KLHL29: variants seen among roughly 807,000 people sequenced by gnomAD.
KLHL29 encodes kelch like family member 29, also known as kelch-like protein 29.
KLHL29 carries 21 observed loss-of-function variants against 80.4 expected under a neutral mutation model. That is an observed-to-expected ratio of 0.26 (90% confidence interval 0.19 to 0.38). The LOEUF (loss-of-function observed/expected upper bound fraction) is 0.38. Ranked by LOEUF, KLHL29 falls within the 10% of genes least tolerant of loss-of-function variation. KLHL29 has a pLI of 1.00. For synonymous variants in KLHL29, 511 were observed against 526.8 expected (o/e 0.97, Z 0.41); for missense variants, 867 against 1,223.9 (o/e 0.71, Z 4.35).
intron 2 of KLHL29, among the ~76,000 whole-genome samples, chr2:23,506,011 C>T (rs1469998678): frequency 2.0e-5 from 3 of 152,158 alleles, no homozygotes; most frequent in East Asian, 1.9e-4. Context: ...GCCCAGAGCC[C>T]GACCACGAGG....
intron 1 of KLHL29, among the ~76,000 whole-genome samples, chr2:23,437,556 A>G (rs745406637): frequency 1.3e-5 from 2 of 152,210 alleles, no homozygotes; most frequent in Non-Finnish European, 2.9e-5. Flanking sequence ...TTCGAAGTCA[A>G]CACTTTCGGT....
chr2:23,662,822 C>A (rs1422627468), intron 5 of KLHL29, among the ~76,000 whole-genome samples: 2 of 152,194 alleles, frequency 1.3e-5, no homozygotes, highest in Non-Finnish European at 2.9e-5. Flanking sequence ...TCCTGGGCCC[C>A]GAGCCTGACT....
intron 3 of KLHL29, among the ~76,000 whole-genome samples, chr2:23,627,260 A>G (rs1201390015): frequency 6.6e-6 from 1 of 152,228 alleles, no homozygotes; most frequent in Non-Finnish European, 1.5e-5. Flanking sequence ...CCTTTTAAAC[A>G]TCACTTTAAC....
At position 23,647,439 on chromosome 2, in the gene KLHL29, G is replaced by A. The variant is rs1036780019; in HGVS notation, c.940+4589G>A. 6.6e-6 allele frequency among the ~76,000 whole-genome samples: 1 copy of A among 152,160 alleles called. No individual in the cohort carries two copies. Among genetic ancestry groups the A allele is most frequent in the Admixed American group, 6.5e-5 (1 of 15,278 alleles). On this transcript the variant is annotated intron_variant, in intron 5 of 13. Coordinates refer to ENST00000486442, the MANE Select transcript of KLHL29 (RefSeq NM_052920.2). This position sits in a 1 kb window ranked among gnomAD's most constrained non-coding sequence, Gnocchi z 4.9. ...CCAACATGAATTCATTCAGGGTTCAGACTCAAGGCCTGCGTTGTCTGTGGC... is the reference window on the plus strand; with the variant it reads ...CCAACATGAATTCATTCAGGGTTCAAACTCAAGGCCTGCGTTGTCTGTGGC...
chr2:23,592,015 G>T (rs1668275719), intron 3 of KLHL29, among the ~76,000 whole-genome samples: 1 of 152,258 alleles, frequency 6.6e-6, no homozygotes, highest in Non-Finnish European at 1.5e-5. Context: ...CATCTGCCGT[G>T]ACTTGGAGCA....
chr2:23,441,611 T>A (rs993393441), intron 1 of KLHL29, among the ~76,000 whole-genome samples: 2 of 152,184 alleles, frequency 1.3e-5, no homozygotes, highest in Admixed American at 1.3e-4. Flanking sequence ...TCATGTTTGC[T>A]CTTCATGATG....
intron 2 of KLHL29, among the ~76,000 whole-genome samples, chr2:23,558,233 C>G (rs947586202): frequency 1.3e-5 from 2 of 152,160 alleles, no homozygotes; most frequent in Non-Finnish European, 2.9e-5. Flanking sequence ...GGATCCAACC[C>G]TAGGGATGCA....
chr2:23,400,167 TGCCACACCCTTCCCCAGCTCCGACG>T (rs1666551870), intron 1 of KLHL29, among the ~76,000 whole-genome samples: 1 of 152,166 alleles, frequency 6.6e-6, no homozygotes, highest in Admixed American at 6.5e-5. Context: ...CTGTGATAGC[TGCCACACCCTTCCCCAGCTCCGACG>T]GCCACCTGCA....
chr2:23,444,211 A>G (rs553835522), intron 1 of KLHL29, among the ~76,000 whole-genome samples: 10 of 152,354 alleles, frequency 6.6e-5, no homozygotes, highest in African/African-American at 2.2e-4. Flanking sequence ...GGATAGAGCT[A>G]GGAAACATAG....
At chr2:23,464,936 A>G (rs1664305973) in intron 1 of KLHL29, among the ~76,000 whole-genome samples, 1 of 152,140 alleles carries the variant, frequency 6.6e-6, no homozygotes, top group African/African-American at 2.4e-5. Flanking sequence ...GCATGTATCT[A>G]TGTGCTCTTA....
At chr2:23,438,793 A>T (rs1304098405) in intron 1 of KLHL29, among the ~76,000 whole-genome samples, 1 of 152,150 alleles carries the variant, frequency 6.6e-6, no homozygotes, top group Non-Finnish European at 1.5e-5. Flanking sequence ...TGTCTTTGCC[A>T]GGCTTTGGTA....
At position 23,669,955 on chromosome 2, in the gene KLHL29, G is replaced by A. The variant is rs1670664741; in HGVS notation, c.941-14444G>A. Among the ~76,000 whole-genome samples the A allele has an allele frequency of 6.6e-6, 1 of 152,144 alleles. No individual in the cohort carries two copies. The highest frequency in any genetic ancestry group is 2.4e-5 in the African/African-American group (1 of 41,436). ...GGTAGGGACCCAAGCAGAGAGGGGT[G>A]TCAGTAAAGCCAGAAGCTCAGCTGA... On this transcript the variant is annotated intron_variant, in intron 5 of 13. Transcript: ENST00000486442. This position sits in a 1 kb window ranked among gnomAD's most constrained non-coding sequence, Gnocchi z 4.3.
In KLHL29 at chr2:23,547,645, C is replaced by T. The variant is rs868621169; in HGVS notation, c.-45-14507C>T. Among the ~76,000 whole-genome samples, 28 of 152,082 alleles carry T rather than the reference C, an allele frequency of 1.8e-4. No individual in the cohort carries two copies. In the Middle Eastern group the frequency reaches 0.014, roughly 74 times the overall value. Reference sequence around the variant, plus strand: ...CAGTAGTACTTCTACCGATAGACATCGTGCCCAAAAGTGACCACCCCTCCC... The same window carrying T: ...CAGTAGTACTTCTACCGATAGACATTGTGCCCAAAAGTGACCACCCCTCCC... On this transcript the variant is annotated intron_variant, in intron 2 of 13. Coordinates refer to ENST00000486442, the MANE Select transcript of KLHL29 (RefSeq NM_052920.2).
intron 1 of KLHL29, among the ~76,000 whole-genome samples, chr2:23,412,258 G>C (rs770222080): frequency 3.4e-4 from 52 of 152,198 alleles, no homozygotes; most frequent in Non-Finnish European, 6.6e-4. Flanking sequence ...TCTGCTCAGG[G>C]TGTGTCAATG....
chr2:23,455,603 TGA>T (rs1664028166), intron 1 of KLHL29, among the ~76,000 whole-genome samples: 1 of 141,554 alleles, frequency 7.1e-6, no homozygotes, highest in Non-Finnish European at 1.5e-5. Flanking sequence ...GATGGTCTCC[TGA>T]TTTTTTTTTT....
rs3795943 is a variant in KLHL29 at position 23,696,760 on chromosome 2, C to A, written c.2105+247C>A. The stretch of plus-strand genomic sequence containing the variant: ...AGATGGGAGATGGGGCGCTTCTGTC[C>A]CGACAACCCATTTAGGTGTCAGACA... On this transcript the variant is annotated intron_variant, in intron 11 of 13. Coordinates refer to ENST00000486442, the MANE Select transcript of KLHL29 (RefSeq NM_052920.2). This position sits in a 1 kb window ranked among gnomAD's most constrained non-coding sequence, Gnocchi z 5.5. 7.1e-6 allele frequency: 3 copies of A among 424,032 alleles called. No homozygotes were observed. The highest frequency in any genetic ancestry group is 1.3e-5 in the Non-Finnish European group (3 of 239,398). 26.3% of individuals were successfully genotyped at this position (424,032 alleles called of 1,614,324 possible).
intron 2 of KLHL29, among the ~76,000 whole-genome samples, chr2:23,498,643 C>T (rs572419161): frequency 5.9e-5 from 9 of 152,368 alleles, no homozygotes; most frequent in African/African-American, 2.2e-4. Flanking sequence ...GGCTTCCTTC[C>T]ACACTGAGAA....
intron 2 of KLHL29, among the ~76,000 whole-genome samples, chr2:23,479,145 G>A (rs1330578209): frequency 6.6e-6 from 1 of 151,412 alleles, no homozygotes; most frequent in African/African-American, 2.4e-5. Flanking sequence ...TCTTCTGACT[G>A]TACCTGCTTT....
intron 3 of KLHL29, among the ~76,000 whole-genome samples, chr2:23,588,227 CGAGTGGGCCCCAGGA>C (rs1373992646): frequency 6.6e-6 from 1 of 152,174 alleles, no homozygotes; most frequent in Non-Finnish European, 1.5e-5. Flanking sequence ...AGCTGAACAT[CGAGTGGGCCCCAGGA>C]GAGAGGCTGA....
Sources: gnomAD v4.1 joint callset for allele counts (sites outside exome capture counted in the v4.1 genomes callset) on GRCh38, gnomAD v4.1.1 for gene constraint, Gnocchi (gnomAD v3.1) non-coding constraint, MANE v1.5 for transcripts, NCBI Gene and HGNC (gene_info 2026-07-23, HGNC 2026-07-21) for gene names.